The following EPC1 variants were observed in gnomAD, a reference collection of about 807,000 sequenced individuals.
EPC1 encodes enhancer of polycomb 1.
A neutral mutation model predicts 98.4 loss-of-function variants in EPC1; 12 were observed. The ratio of observed to expected loss-of-function variants is 0.12; its 90% confidence interval spans 0.08 to 0.20. The LOEUF (loss-of-function observed/expected upper bound fraction) is 0.20. Ranked by LOEUF, EPC1 falls within the 10% of genes least tolerant of loss-of-function variation. The pLI is 1.00. For missense variants in EPC1, 729 were observed against 990.5 expected, an observed-to-expected ratio of 0.74 and a Z score of 3.54; for synonymous variants, 357 against 363.9, an observed-to-expected ratio of 0.98 and a Z score of 0.21.
intron 1 of EPC1, among the ~76,000 whole-genome samples, chr10:32,354,270 A>G (rs1839207081): frequency 6.6e-6 from 1 of 152,144 alleles, no homozygotes. Flanking sequence ...CAACAACAAA[A>G]AAGAAATGAA....
At chr10:32,273,333 G>A (rs777243112) in intron 10 of EPC1, 52 bp from the exon 11 acceptor site, 3 of 1,580,002 alleles carry the variant, frequency 1.9e-6, no homozygotes, top group African/African-American at 1.4e-5. Flanking sequence ...TGTCATGTAT[G>A]TCTTACAGTA....
At chr10:32,337,978 CCT>C (rs1564554961) in intron 1 of EPC1, among the ~76,000 whole-genome samples, 1 of 152,212 alleles carries the variant, frequency 6.6e-6, no homozygotes, top group South Asian at 2.1e-4. Context: ...AGTAGCTCCT[CCT>C]CTGAGTCCCA....
At chr10:32,276,393 T>A (rs1027381721) in intron 10 of EPC1, among the ~76,000 whole-genome samples, 1 of 152,122 alleles carries the variant, frequency 6.6e-6, no homozygotes, top group Non-Finnish European at 1.5e-5. Flanking sequence ...ATGCCTGTAA[T>A]CCCAGCTACT....
At chr10:32,361,095 A>C in intron 1 of EPC1, among the ~76,000 whole-genome samples, 1 of 152,198 alleles carries the variant, frequency 6.6e-6, no homozygotes, top group East Asian at 1.9e-4. Context: ...AAACTCTTAA[A>C]ATTGTATTTG....
chr10:32,288,559 C>T (rs1174870566), intron 6 of EPC1, among the ~76,000 whole-genome samples: 3 of 149,386 alleles, frequency 2.0e-5, no homozygotes, highest in Admixed American at 1.4e-4. Flanking sequence ...CCATGTTGGC[C>T]AGGCTGGTTT....
At chr10:32,303,590 G>A (rs754234615) in intron 2 of EPC1, among the ~76,000 whole-genome samples, 74 of 152,266 alleles carry the variant, frequency 4.9e-4, no homozygotes, top group East Asian at 4.6e-3. Context: ...TGTAACACCC[G>A]TGAACATAAT....
At chr10:32,355,154 G>A (rs1839235048) in intron 1 of EPC1, among the ~76,000 whole-genome samples, 1 of 152,158 alleles carries the variant, frequency 6.6e-6, no homozygotes, top group African/African-American at 2.4e-5. Context: ...CAAAAAGACT[G>A]GGGACCACTG....
At chr10:32,332,355 C>CA (rs1213161515) in intron 1 of EPC1, among the ~76,000 whole-genome samples, 1 of 152,120 alleles carries the variant, frequency 6.6e-6, no homozygotes, top group Non-Finnish European at 1.5e-5. Flanking sequence ...GTTCACTGAG[C>CA]AGAGGGCTTG....
intron 1 of EPC1, among the ~76,000 whole-genome samples, chr10:32,310,636 G>C (rs1250093711): frequency 6.6e-6 from 1 of 152,142 alleles, no homozygotes; most frequent in East Asian, 1.9e-4. Context: ...ATTTCACACA[G>C]GCCAGACGTG....
chr10:32,351,414 T>C (rs1010407643), upstream of EPC1, among the ~76,000 whole-genome samples: 20 of 152,188 alleles, frequency 1.3e-4, no homozygotes, highest in African/African-American at 4.6e-4. Context: ...CCCAGTACTT[T>C]GGGAGGCCGA....
intron 1 of EPC1, among the ~76,000 whole-genome samples, chr10:32,333,997 A>G (rs1243303847): frequency 6.6e-6 from 1 of 152,266 alleles, no homozygotes; most frequent in African/African-American, 2.4e-5. Context: ...AGAAAGCAAG[A>G]TAAGAAAACT....
chr10:32,321,207 T>A (rs1836891561), intron 1 of EPC1, among the ~76,000 whole-genome samples: 2 of 152,190 alleles, frequency 1.3e-5, no homozygotes, highest in Non-Finnish European at 2.9e-5. Flanking sequence ...CCACACTCAT[T>A]GGTCTGCATA....
chr10:32,323,883 TA>T (rs1837092788), intron 1 of EPC1, among the ~76,000 whole-genome samples: 1 of 152,234 alleles, frequency 6.6e-6, no homozygotes, highest in Admixed American at 6.5e-5. Context: ...TTTATTATTC[TA>T]ATAGGCAAAT....
intron 1 of EPC1, among the ~76,000 whole-genome samples, chr10:32,313,800 C>T (rs778694819): frequency 1.4e-4 from 21 of 152,054 alleles, no homozygotes; most frequent in Non-Finnish European, 2.5e-4. Flanking sequence ...GCAGGAGAAT[C>T]GCTTGAACCT....
chr10:32,293,757 G>T lies in EPC1; in HGVS notation c.314-20C>A. The T allele has an allele frequency of 6.2e-7, 1 of 1,604,128 alleles. No homozygotes were observed. Among genetic ancestry groups the T allele is most frequent in the African/African-American group, 1.3e-5 (1 of 74,798 alleles). On this transcript the variant is annotated intron_variant, in intron 2 of 13. Coordinates refer to ENST00000319778, the MANE Select transcript of EPC1 (RefSeq NM_001272004.3). Reference sequence around the variant, plus strand: ...TAAAAGCTGACAGAAGGAACCATATGCAATCATTTACTGTGTGAATTCACC... The same window carrying T: ...TAAAAGCTGACAGAAGGAACCATATTCAATCATTTACTGTGTGAATTCACC...
intron 10 of EPC1, chr10:32,281,979 GTTTTT>G (rs147472018): frequency 6.7e-6 from 1 of 148,312 alleles, no homozygotes; most frequent in Non-Finnish European, 1.5e-5. Context: ...CCTAAATTTT[GTTTTT>G]TTTTTCTTCA....
At chr10:32,362,458 C>T (rs546910615) in intron 1 of EPC1, among the ~76,000 whole-genome samples, 5 of 151,920 alleles carry the variant, frequency 3.3e-5, no homozygotes, top group Non-Finnish European at 4.4e-5. Flanking sequence ...AGCACCTCCC[C>T]GCTCCCTGTC....
chr10:32,322,674 C>A (rs1329772757), intron 1 of EPC1, among the ~76,000 whole-genome samples: 1 of 152,170 alleles, frequency 6.6e-6, no homozygotes. Context: ...TGAATGCTGA[C>A]ATTTGTGCAT....
chr10:32,294,484 A>C (rs1205976912), intron 2 of EPC1, among the ~76,000 whole-genome samples: 1 of 152,226 alleles, frequency 6.6e-6, no homozygotes, highest in Non-Finnish European at 1.5e-5. Context: ...GCAGGTGTAT[A>C]ATTTTCCACA....
Sources: gnomAD v4.1 joint callset for allele counts (sites outside exome capture counted in the v4.1 genomes callset) on GRCh38, gnomAD v4.1.1 for gene constraint, MANE v1.5 for transcripts, NCBI Gene and HGNC (gene_info 2026-07-23, HGNC 2026-07-21) for gene names.